Variants in PFKFB3 observed in about 807,000 individuals in gnomAD.
PFKFB3 encodes the protein 6-phosphofructo-2-kinase/fructose-2,6-biphosphatase 3, also known as 6-phosphofructo-2-kinase/fructose-2,6-bisphosphatase 3.
In PFKFB3, 33 loss-of-function variants were observed where a neutral mutation model predicts 68.0. That is an observed-to-expected ratio of 0.49 (90% confidence interval 0.37 to 0.65). The LOEUF (loss-of-function observed/expected upper bound fraction) is 0.65, where lower values mean the gene tolerates loss of function less well. PFKFB3 is among the 30% of genes least tolerant of loss of function. PFKFB3 has a pLI of 0.00. For missense variants in PFKFB3, 586 were observed against 712.2 expected (o/e 0.82, Z 2.02); for synonymous variants, 315 against 288.2 (o/e 1.09, Z -0.94).
chr10:6,253,664 C>T (rs1423169874), intron 14 of PFKFB3, among the ~76,000 whole-genome samples: 1 of 151,958 alleles, frequency 6.6e-6, no homozygotes, highest in Non-Finnish European at 1.5e-5. Context: ...AAAAAAGATG[C>T]GGTCATATCC....
downstream of PFKFB3, among the ~76,000 whole-genome samples, chr10:6,256,642 G>A (rs1369259816): frequency 6.6e-6 from 1 of 152,182 alleles, no homozygotes; most frequent in African/African-American, 2.4e-5. Context: ...AAAATGAGGC[G>A]TGGCTCCTCC....
chr10:6,192,137 A>AACACACACACAC (rs1843040308), intron 1 of PFKFB3, among the ~76,000 whole-genome samples: 3 of 67,658 alleles, frequency 4.4e-5, no homozygotes, highest in Admixed American at 1.8e-4. Flanking sequence ...GACATTCCCC[A>AACACACACACAC]ATACACACAC....
intron 1 of PFKFB3, among the ~76,000 whole-genome samples, chr10:6,177,484 C>CTTTCTTTCTTTCT (rs748168563): frequency 1.6e-4 from 17 of 109,594 alleles, no homozygotes; most frequent in Admixed American, 1.1e-3. Context: ...TTCTTTCTTT[C>CTTTCTTTCTTTCT]TTTTTCTTTT....
At chr10:6,258,187 T>A (rs1338947407), downstream of PFKFB3, among the ~76,000 whole-genome samples, 1 of 151,492 alleles carries the variant, frequency 6.6e-6, no homozygotes, top group Non-Finnish European at 1.5e-5. Flanking sequence ...TTGATCTTAT[T>A]TTTTTTTTGG....
chr10:6,275,062 G>C, the PFKFB3 span, among the ~76,000 whole-genome samples: 6 of 152,244 alleles, frequency 3.9e-5, no homozygotes, highest in Non-Finnish European at 7.4e-5. The surrounding 1 kb of genome is among the most constrained non-coding windows in gnomAD (Gnocchi z 4.9). Flanking sequence ...TGTCCACTAG[G>C]GGACTTTTGG....
At chr10:6,185,638 C>T (rs1210301798) in intron 1 of PFKFB3, among the ~76,000 whole-genome samples, 1 of 70,112 alleles carries the variant, frequency 1.4e-5, no homozygotes, top group East Asian at 3.8e-4. Flanking sequence ...CCTCCCCGCT[C>T]CTTTTTTTTT....
At chr10:6,202,923 G>C, upstream of PFKFB3, 1 of 1,199,690 alleles carries the variant, frequency 8.3e-7, no homozygotes, top group Non-Finnish European at 1.0e-6. Flanking sequence ...GCGGTGCGCG[G>C]GGCATCCCAG....
chr10:6,301,587 T>G, the PFKFB3 span, among the ~76,000 whole-genome samples: 1 of 152,212 alleles, frequency 6.6e-6, no homozygotes, highest in Non-Finnish European at 1.5e-5. Flanking sequence ...AACAGATAGA[T>G]TGAGGAAAGT....
chr10:6,204,315 G>A (rs772922690), intron 1 of PFKFB3, among the ~76,000 whole-genome samples: 1 of 152,274 alleles, frequency 6.6e-6, no homozygotes, highest in Non-Finnish European at 1.5e-5. Context: ...TCAGGTCGTA[G>A]CCTGAGTAGT....
chr10:6,240,391 A>G (rs887241827), downstream of PFKFB3, among the ~76,000 whole-genome samples: 2 of 151,764 alleles, frequency 1.3e-5, no homozygotes, highest in African/African-American at 2.4e-5. Flanking sequence ...CAGCCTCCCT[A>G]GTAGGTGGGA....
At chr10:6,161,645 G>T (rs867561325) in intron 1 of PFKFB3, among the ~76,000 whole-genome samples, 11,588 of 150,784 alleles carry the variant, frequency 0.077, 519 homozygotes, top group Non-Finnish European at 0.1. Context: ...TATAGAGAGA[G>T]AGAGAGAGAG....
upstream of PFKFB3, chr10:6,202,495 T>A (rs1412118562): frequency 1.3e-5 from 2 of 152,436 alleles, no homozygotes; most frequent in Non-Finnish European, 2.9e-5. Context: ...TGGGGCTCCA[T>A]GGCCCTAAAG....
the PFKFB3 span, among the ~76,000 whole-genome samples, chr10:6,267,949 T>C: frequency 3.4e-5 from 2 of 59,512 alleles, no homozygotes; most frequent in African/African-American, 6.1e-5. Flanking sequence ...AGCGAGACCC[T>C]ATCTCAAAAA....
At chr10:6,262,062 C>A in the PFKFB3 span, among the ~76,000 whole-genome samples, 1 of 150,952 alleles carries the variant, frequency 6.6e-6, no homozygotes, top group Non-Finnish European at 1.5e-5. Context: ...AGACTTAATA[C>A]CTGGGTGATG....
chr10:6,256,166 A>C (rs1846492359), downstream of PFKFB3, among the ~76,000 whole-genome samples: 1 of 151,948 alleles, frequency 6.6e-6, no homozygotes, highest in Non-Finnish European at 1.5e-5. Flanking sequence ...CTTTGAACCC[A>C]CTCTATCTTC....
At chr10:6,272,703 G>GA in the PFKFB3 span, among the ~76,000 whole-genome samples, 1 of 151,812 alleles carries the variant, frequency 6.6e-6, no homozygotes, top group Non-Finnish European at 1.5e-5. Flanking sequence ...TCAAAAAAAA[G>GA]AAAAAAGAAA....
At chr10:6,279,935 C>T in the PFKFB3 span, among the ~76,000 whole-genome samples, 1 of 96,662 alleles carries the variant, frequency 1.0e-5, no homozygotes, top group Non-Finnish European at 2.6e-5. Flanking sequence ...GAAGGAAGGC[C>T]TCTTGGAAGA....
the PFKFB3 span, among the ~76,000 whole-genome samples, chr10:6,304,388 T>A: frequency 6.6e-6 from 1 of 151,664 alleles, no homozygotes; most frequent in Non-Finnish European, 1.5e-5. Context: ...AGAATCCATC[T>A]ATCTTTCTGT....
chr10:6,176,622 G>T (rs771581903), intron 1 of PFKFB3, among the ~76,000 whole-genome samples: 1 of 152,176 alleles, frequency 6.6e-6, no homozygotes, highest in Non-Finnish European at 1.5e-5. Context: ...CTGGGCTCAA[G>T]CAATCCTCCT....
Sources: allele counts gnomAD v4.1 joint callset (sites outside exome capture counted in the v4.1 genomes callset), GRCh38; gene constraint gnomAD v4.1.1; non-coding constraint Gnocchi (gnomAD v3.1); transcripts MANE v1.5; gene names NCBI Gene and HGNC (gene_info 2026-07-23, HGNC 2026-07-21).